GPBP1: variants seen among roughly 807,000 people sequenced by gnomAD.
GPBP1 encodes GC-rich promoter binding protein 1, also known as vasculin.
GPBP1 carries 13 observed loss-of-function variants against 56.5 expected under a neutral mutation model. The observed-to-expected ratio is 0.23, with a 90% CI of 0.15 to 0.37. The LOEUF (loss-of-function observed/expected upper bound fraction) is 0.37. Among genes scored for constraint, GPBP1 ranks in the 10% least tolerant of loss-of-function variants. GPBP1 has a pLI of 1.00. For missense variants in GPBP1, 477 were observed against 572.3 expected, an observed-to-expected ratio of 0.83 and a Z score of 1.70; for synonymous variants, 204 against 188.9, an observed-to-expected ratio of 1.08 and a Z score of -0.66.
At position 57,240,840 on chromosome 5, in the gene GPBP1, G is replaced by A. The variant is rs530918337; in HGVS notation, c.478+4808G>A. Among the ~76,000 whole-genome samples, 9 of 152,016 alleles carry A rather than the reference G, an allele frequency of 5.9e-5. No individual in the cohort carries two copies. The East Asian group carries it at 1.6e-3, about 26-fold the overall frequency. ...AAATACAAATTTAGCTGGGTGTGGTGGCACATGCCTGTAATTCCAGCTACT... is the reference window on the plus strand; with the variant it reads ...AAATACAAATTTAGCTGGGTGTGGTAGCACATGCCTGTAATTCCAGCTACT... On this transcript the variant is annotated intron_variant, in intron 6 of 11. Transcript: ENST00000506184.
intron 3 of GPBP1, among the ~76,000 whole-genome samples, chr5:57,226,553 C>CTTTTTTTTTTTTTTTTTT (rs34180383): frequency 1.6e-5 from 1 of 62,128 alleles, no homozygotes; most frequent in Non-Finnish European, 2.8e-5. Context: ...AGCATTTTTG[C>CTTTTTTTTTTTTTTTTTT]TTTTTTTTTT....
chr5:57,219,433 A>AG (rs753075871), intron 3 of GPBP1, among the ~76,000 whole-genome samples: 30 of 109,450 alleles, frequency 2.7e-4, no homozygotes, highest in South Asian at 9.0e-4. Flanking sequence ...AAAAAAAACA[A>AG]CAAAACCACA....
chr5:57,222,227 A>G (rs1173578273), intron 3 of GPBP1, among the ~76,000 whole-genome samples: 1 of 152,172 alleles, frequency 6.6e-6, no homozygotes, highest in Non-Finnish European at 1.5e-5. Context: ...ACTTGTTGTA[A>G]TAAAACACTT....
chr5:57,197,128 G>A (rs1359880535), intron 2 of GPBP1, among the ~76,000 whole-genome samples: 1 of 152,042 alleles, frequency 6.6e-6, no homozygotes, highest in Non-Finnish European at 1.5e-5. Context: ...TGCCCAGGCT[G>A]ATCTTAAATT....
intron 2 of GPBP1, among the ~76,000 whole-genome samples, chr5:57,197,918 T>C (rs1449550785): frequency 5.3e-5 from 8 of 152,132 alleles, no homozygotes; most frequent in Admixed American, 5.2e-4. Flanking sequence ...GAGTTAGGTG[T>C]ATGTGAGCAG....
At chr5:57,188,659 C>CT (rs1208041426) in intron 2 of GPBP1, among the ~76,000 whole-genome samples, 1 of 152,126 alleles carries the variant, frequency 6.6e-6, no homozygotes, top group Non-Finnish European at 1.5e-5. Flanking sequence ...ATGAGAATTG[C>CT]TTAAACACGT....
At chr5:57,176,750 C>T (rs1334614647) in intron 2 of GPBP1, among the ~76,000 whole-genome samples, 1 of 152,124 alleles carries the variant, frequency 6.6e-6, no homozygotes, top group Non-Finnish European at 1.5e-5. Context: ...AATAATTCAC[C>T]ACGTGTCTTC....
intron 10 of GPBP1, among the ~76,000 whole-genome samples, chr5:57,252,548 AC>A (rs982776502): frequency 6.6e-6 from 1 of 151,656 alleles, no homozygotes; most frequent in African/African-American, 2.4e-5. Context: ...GCACCACCAT[AC>A]CCAGCTAATT....
chr5:57,220,665 G>T (rs1271364025), intron 3 of GPBP1, among the ~76,000 whole-genome samples: 1 of 151,864 alleles, frequency 6.6e-6, no homozygotes, highest in Non-Finnish European at 1.5e-5. Flanking sequence ...TCATCATATT[G>T]TCCAGGCTGG....
At chr5:57,241,651 A>G (rs985801824) in intron 6 of GPBP1, among the ~76,000 whole-genome samples, 2 of 152,202 alleles carry the variant, frequency 1.3e-5, no homozygotes, top group African/African-American at 2.4e-5. Context: ...CAAAGGTCAC[A>G]TTTGCCTTCA....
At chr5:57,196,161 T>C (rs1754740707) in intron 2 of GPBP1, among the ~76,000 whole-genome samples, 1 of 151,960 alleles carries the variant, frequency 6.6e-6, no homozygotes. Context: ...TCGAGATTTA[T>C]TGTTTTATTT....
In GPBP1 at chr5:57,263,389, T is replaced by C. The variant is rs951274034; in HGVS notation, c.*637T>C. Reference sequence around the variant, plus strand: ...GCAGTAAATGTTACAGGAAAAGACTTGGCACATTTTCTTCCAAATTTTAAG... The same window carrying C: ...GCAGTAAATGTTACAGGAAAAGACTCGGCACATTTTCTTCCAAATTTTAAG... On this transcript the variant is annotated 3_prime_UTR_variant, in exon 12 of 12. Coordinates refer to ENST00000506184, the MANE Select transcript of GPBP1 (RefSeq NM_022913.4). 2 of 152,204 alleles carry C rather than the reference T, an allele frequency of 1.3e-5. No individual in the cohort carries two copies. Among genetic ancestry groups the C allele is most frequent in the African/African-American group, 4.8e-5 (2 of 41,458 alleles). The allele number at this position is 152,204 out of a possible 1,614,324, so 9.4% of individuals were successfully genotyped here.
chr5:57,176,049 T>TA lies in GPBP1; in HGVS notation c.-408dup. The TA allele has an allele frequency of 2.5e-6, 1 of 398,528 alleles. No individual in the cohort carries two copies. Among genetic ancestry groups the TA allele is most frequent in the East Asian group, 3.6e-5 (1 of 28,048 alleles). 24.7% of individuals were successfully genotyped at this position (398,528 alleles called of 1,614,324 possible). ...GTGTGTCTCTGTATATGCTGATGTT[T>TA]AGGAATGCTCTTCAGATGTGAAATT... is the stretch of plus-strand genomic sequence containing the variant. On this transcript the variant is annotated 5_prime_UTR_variant, in exon 2 of 12. The change abolishes the stop of an existing upstream ORF in the 5' untranslated region. Transcript: ENST00000506184.
Position 57,175,941 on chromosome 5 carries a change from G to GT in GPBP1, c.-510dup, listed in dbSNP as rs888019151. ...AATGAAGAGATTGAAAGAATACAGAGTTTTTTTCCTTTTATCTTTTATTTA... is the reference window on the plus strand; with the variant it reads ...AATGAAGAGATTGAAAGAATACAGAGTTTTTTTTCCTTTTATCTTTTATTTA... On this transcript the variant is annotated 5_prime_UTR_variant, in exon 2 of 12. An upstream open reading frame in the 5' UTR loses its in-frame stop. Transcript: ENST00000506184. The GT allele has an allele frequency of 7.5e-5, 30 of 398,468 alleles. No individual in the cohort carries two copies. Among genetic ancestry groups the GT allele is most frequent in the African/African-American group, 5.3e-4 (26 of 48,736 alleles). The allele number at this position is 398,468 out of a possible 1,614,324, so 24.7% of individuals were successfully genotyped here. A position where few individuals can be genotyped will look rare whatever the true frequency, so the allele number is the denominator to read the frequency against.
intron 1 of GPBP1, 32 bp from the exon 2 acceptor site, chr5:57,175,414 ACT>A (rs1753756653): frequency 5.0e-6 from 2 of 398,418 alleles, no homozygotes; most frequent in Non-Finnish European, 8.9e-6. Flanking sequence ...CAAAATCAAA[ACT>A]CAGTATATAA....
At chr5:57,194,459 TAC>T (rs1424015726) in intron 2 of GPBP1, among the ~76,000 whole-genome samples, 10 of 152,330 alleles carry the variant, frequency 6.6e-5, no homozygotes, top group African/African-American at 2.4e-4. Flanking sequence ...GATAAAAGCA[TAC>T]AGTGTGTAAT....
intron 10 of GPBP1, among the ~76,000 whole-genome samples, chr5:57,258,132 T>C (rs1009406394): frequency 6.6e-6 from 1 of 152,232 alleles, no homozygotes; most frequent in African/African-American, 2.4e-5. Flanking sequence ...AAAATATTTA[T>C]CAGAGGATGG....
rs377671341 is a variant in GPBP1, at chr5:57,237,976, A to G, written c.478+1944A>G. 5.9e-5 allele frequency among the ~76,000 whole-genome samples: 9 copies of G among 152,240 alleles called. No homozygotes were observed. The East Asian group carries it at 7.7e-4, about 13-fold the overall frequency. On this transcript the variant is annotated intron_variant, in intron 6 of 11. Coordinates refer to ENST00000506184, the MANE Select transcript of GPBP1 (RefSeq NM_022913.4). Reference sequence around the variant, plus strand: ...GTTAAGTGATTTATAATATAGCTACATAAATTGAATTCTGCTTAGAACCTA... The same window carrying G: ...GTTAAGTGATTTATAATATAGCTACGTAAATTGAATTCTGCTTAGAACCTA...
intron 2 of GPBP1, among the ~76,000 whole-genome samples, chr5:57,197,244 GTCC>G (rs1754805533): frequency 1.3e-5 from 2 of 151,688 alleles, no homozygotes; most frequent in Non-Finnish European, 2.9e-5. Context: ...CCTACACATT[GTCC>G]TCCTCCATTT....
Sources: gnomAD v4.1 joint callset for allele counts (sites outside exome capture counted in the v4.1 genomes callset) on GRCh38, gnomAD v4.1.1 for gene constraint, MANE v1.5 for transcripts, NCBI Gene and HGNC (gene_info 2026-07-23, HGNC 2026-07-21) for gene names.